DNAH11: variants seen among roughly 807,000 people sequenced by gnomAD.
DNAH11 encodes dynein axonemal heavy chain 11.
DNAH11 carries 442 observed loss-of-function variants against 526.0 expected under a neutral mutation model. That is an observed-to-expected ratio of 0.84 (90% CI 0.78 to 0.91). The LOEUF is 0.91. Among genes scored for constraint, DNAH11 ranks in the 40% least tolerant of loss-of-function variants. DNAH11 has a pLI of 0.00. For missense variants in DNAH11, 6,989 were observed against 5,448.7 expected (o/e 1.28, Z -8.90); for synonymous variants, 2,461 against 1,935.9 (o/e 1.27, Z -7.12).
At chr7:21,709,505 G>T (rs1309105387) in intron 40 of DNAH11, among the ~76,000 whole-genome samples, 1 of 152,146 alleles carries the variant, frequency 6.6e-6, no homozygotes, top group Non-Finnish European at 1.5e-5. Context: ...GGCACCATTT[G>T]TATCCCAAAC....
chr7:21,804,921 C>G (rs1789188419), intron 62 of DNAH11, among the ~76,000 whole-genome samples: 1 of 152,228 alleles, frequency 6.6e-6, no homozygotes, highest in African/African-American at 2.4e-5. Flanking sequence ...ACATGATAAT[C>G]TGTCTCCTGG....
rs771449722 is a variant in DNAH11, at chr7:21,900,093, G to A, written c.13276G>A (p.Ala4426Thr). 14 of 1,613,736 alleles carry A rather than the reference G, an allele frequency of 8.7e-6. No individual in the cohort carries two copies. Among genetic ancestry groups the A allele is most frequent in the Non-Finnish European group, 1.2e-5 (14 of 1,179,818 alleles). ...EDYGHPPREG[A>T]YLHGLFMEGA... ...TTATGGACACCCGCCAAGGGAAGGT[G>A]CATACCTCCACGGACTCTTCATGGA... Residue 4426 changes from alanine (A) to threonine (T), a missense_variant, in exon 81 of 82, where the codon GCA (alanine) becomes ACA (threonine). Coordinates refer to ENST00000409508, the MANE Select transcript of DNAH11 (RefSeq NM_001277115.2).
intron 20 of DNAH11, among the ~76,000 whole-genome samples, chr7:21,612,523 C>T (rs936309041): frequency 7.0e-6 from 1 of 143,574 alleles, no homozygotes; most frequent in Non-Finnish European, 1.5e-5. Flanking sequence ...CCACTGCACT[C>T]CAGCCTGGGC....
At chr7:21,661,063 C>T (rs2128466505) in intron 30 of DNAH11, among the ~76,000 whole-genome samples, 1 of 152,212 alleles carries the variant, frequency 6.6e-6, no homozygotes, top group Non-Finnish European at 1.5e-5. Flanking sequence ...TCCACTCAGG[C>T]ACTTACATTC....
At chr7:21,883,592 A>AT (rs2128043298) in intron 75 of DNAH11, among the ~76,000 whole-genome samples, 1 of 152,338 alleles carries the variant, frequency 6.6e-6, no homozygotes, top group East Asian at 1.9e-4. Flanking sequence ...CTTTTCCTGA[A>AT]TCAGATAATA....
intron 54 of DNAH11, among the ~76,000 whole-genome samples, chr7:21,758,450 A>C (rs1475215552): frequency 6.6e-6 from 1 of 152,198 alleles, no homozygotes; most frequent in Non-Finnish European, 1.5e-5. Context: ...ATCATTCAGC[A>C]AATATGTACT....
chr7:21,881,025 C>T (rs1455047449), intron 75 of DNAH11, 132 bp downstream of exon 75: 3 of 826,028 alleles, frequency 3.6e-6, no homozygotes, highest in East Asian at 3.0e-5. Flanking sequence ...TATGTATCTT[C>T]TGCCAAGTGT....
chr7:21,565,589 A>C (rs1783634520), intron 6 of DNAH11, among the ~76,000 whole-genome samples: 1 of 152,164 alleles, frequency 6.6e-6, no homozygotes, highest in African/African-American at 2.4e-5. Context: ...TCTGATTCTG[A>C]AAAGATAGAG....
chr7:21,639,887 A>T (rs1274522214), intron 28 of DNAH11, among the ~76,000 whole-genome samples: 1 of 151,908 alleles, frequency 6.6e-6, no homozygotes, highest in East Asian at 1.9e-4. Context: ...TTCTCAGAAA[A>T]ATTTTACTCT....
At position 21,868,661 on chromosome 7, in the gene DNAH11, T is replaced by G. The variant is rs80033342; in HGVS notation, c.11840-203T>G. Among the ~76,000 whole-genome samples, 9,941 of 152,318 alleles carry G rather than the reference T, an allele frequency of 0.065. 362 individuals carry two copies. Among genetic ancestry groups the G allele is most frequent in the Non-Finnish European group, 0.073 (4,942 of 68,036 alleles). ...AACCAAAGGAACTGGCTTCCACGGC[T>G]TTTCTAATGCTTGCAATGAGGCAGC... On this transcript the variant is annotated intron_variant, in intron 72 of 81. Coordinates refer to ENST00000409508, the MANE Select transcript of DNAH11 (RefSeq NM_001277115.2).
intron 58 of DNAH11, among the ~76,000 whole-genome samples, chr7:21,784,785 A>G (rs1788103241): frequency 1.3e-5 from 2 of 152,158 alleles, no homozygotes; most frequent in African/African-American, 4.8e-5. Flanking sequence ...GAATATTTCC[A>G]ACAGTGTGGG....
chr7:21,746,633 TC>T (rs1157523757), intron 51 of DNAH11, among the ~76,000 whole-genome samples: 2 of 151,896 alleles, frequency 1.3e-5, no homozygotes, highest in African/African-American at 2.4e-5. Context: ...GAAGGAAAAA[TC>T]CAGAGAAAAT....
In DNAH11 at chr7:21,599,863, T is replaced by G; in HGVS notation, c.2744T>G (p.Val915Gly). 2 of 1,609,860 alleles carry G rather than the reference T, an allele frequency of 1.2e-6. No homozygotes were observed. Among genetic ancestry groups the G allele is most frequent in the South Asian group, 2.2e-5 (2 of 90,644 alleles). The change falls in exon 15 of 82, where the codon GTG (valine) becomes GGG (glycine). Residue 915 changes from valine to glycine, a missense_variant. Val to Gly is a moderately radical substitution (Grantham distance 109). Coordinates refer to ENST00000409508, the MANE Select transcript of DNAH11 (RefSeq NM_001277115.2). Reference protein sequence around the residue: ...KIYVEFIDDIVVEGFFQAIMH... With the variant: ...KIYVEFIDDIGVEGFFQAIMH... ...TATGTAGAATTCATTGACGACATTG[T>G]GGTGGAAGGCTTTTTTCAGGCTATA...
At chr7:21,736,759 TG>T (rs1396875907) in intron 46 of DNAH11, among the ~76,000 whole-genome samples, 2 of 152,048 alleles carry the variant, frequency 1.3e-5, no homozygotes, top group Non-Finnish European at 1.5e-5. Flanking sequence ...GAGGCTGAGG[TG>T]GGAGGATTGC....
At chr7:21,848,283 T>C (rs1287650994) in intron 66 of DNAH11, among the ~76,000 whole-genome samples, 1 of 152,036 alleles carries the variant, frequency 6.6e-6, no homozygotes, top group African/African-American at 2.4e-5. Context: ...TGTCTTAATA[T>C]AGCCACCCCA....
chr7:21,814,004 C>T (rs571602998), intron 63 of DNAH11, among the ~76,000 whole-genome samples: 1 of 152,172 alleles, frequency 6.6e-6, no homozygotes, highest in African/African-American at 2.4e-5. Flanking sequence ...ATGAGACAGC[C>T]TATTACACAC....
chr7:21,602,276 TTGCA>T (rs1031768909), intron 18 of DNAH11, among the ~76,000 whole-genome samples: 1 of 152,076 alleles, frequency 6.6e-6, no homozygotes, highest in African/African-American at 2.4e-5. Context: ...GAGGTGAAGG[TTGCA>T]GTGAGCTGAG....
At chr7:21,787,298 T>C in intron 59 of DNAH11, 103 bp from the exon 60 acceptor site, 1 of 1,132,950 alleles carries the variant, frequency 8.8e-7, no homozygotes. Flanking sequence ...TTGCCAATTT[T>C]GCTTTTGTAA....
rs1785706110 is a variant in DNAH11 at position 21,615,117 on chromosome 7, A to G, written c.3856A>G (p.Asn1286Asp). The G allele has an allele frequency of 6.2e-7, 1 of 1,609,484 alleles. No individual in the cohort carries two copies. Among genetic ancestry groups the G allele is most frequent in the African/African-American group, 1.3e-5 (1 of 74,714 alleles). Residue 1286 changes from asparagine (N) to aspartate (D), a missense_variant, in exon 21 of 82, where the codon AAT (asparagine) becomes GAT (aspartate). Asn to Asp is a conservative substitution (Grantham distance 23). Transcript: ENST00000409508. Reference protein sequence around the residue: ...ENPYTALDKANEELEALEEEM... With the variant: ...ENPYTALDKADEELEALEEEM... Reference sequence around the variant, plus strand: ...GGTGTTTATGTTCTCTCCTTAGGCAAATGAAGAGCTTGAGGCCTTAGAAGA... The same window carrying G: ...GGTGTTTATGTTCTCTCCTTAGGCAGATGAAGAGCTTGAGGCCTTAGAAGA...
Sources: gnomAD v4.1 joint callset for allele counts (sites outside exome capture counted in the v4.1 genomes callset) on GRCh38, gnomAD v4.1.1 for gene constraint, MANE v1.5 for transcripts, NCBI Gene and HGNC (gene_info 2026-07-23, HGNC 2026-07-21) for gene names.